CEP170: variants seen among roughly 807,000 people sequenced by gnomAD.
The protein encoded by CEP170 is centrosomal protein of 170 kDa.
Under a neutral mutation model 151.9 loss-of-function variants are expected in CEP170, and 21 were observed. The observed-to-expected ratio is 0.14, with a 90% CI of 0.10 to 0.20. CEP170 has a LOEUF of 0.20. Ranked by LOEUF, CEP170 falls within the 10% of genes least tolerant of loss-of-function variation. The probability of loss-of-function intolerance (pLI) is 1.00; values close to 1 mark genes in which losing one functional copy is unlikely to be tolerated. For synonymous variants in CEP170, 356 were observed against 648.8 expected, an observed-to-expected ratio of 0.55 and a Z score of 6.86; for missense variants, 964 against 1,892.9, an observed-to-expected ratio of 0.51 and a Z score of 9.11.
At chr1:243,195,371 A>G (rs1471689089) in intron 7 of CEP170, among the ~76,000 whole-genome samples, 2 of 152,200 alleles carry the variant, frequency 1.3e-5, no homozygotes, top group Middle Eastern at 3.4e-3. Context: ...ATTGAGGACA[A>G]ACTTTACGTC....
intron 3 of CEP170, among the ~76,000 whole-genome samples, chr1:243,219,435 T>C (rs1400195289): frequency 6.6e-6 from 1 of 152,218 alleles, no homozygotes; most frequent in Non-Finnish European, 1.5e-5. Flanking sequence ...GATTTCAAGC[T>C]TAAAATGCAG....
intron 1 of CEP170, among the ~76,000 whole-genome samples, chr1:243,237,722 G>A (rs866117540): frequency 6.6e-6 from 1 of 152,186 alleles, no homozygotes; most frequent in Middle Eastern, 3.4e-3. Flanking sequence ...GGCCAATATG[G>A]TGAAACCCCC....
intron 1 of CEP170, among the ~76,000 whole-genome samples, chr1:243,250,043 C>G (rs901587713): frequency 1.3e-5 from 2 of 152,186 alleles, no homozygotes; most frequent in Admixed American, 1.3e-4. Flanking sequence ...TGCACTCCAG[C>G]CTGGCGAGAG....
intron 1 of CEP170, among the ~76,000 whole-genome samples, chr1:243,241,882 G>A (rs541720439): frequency 8.4e-4 from 128 of 151,952 alleles, no homozygotes; most frequent in Middle Eastern, 3.4e-3. Context: ...GAGGGTAGGG[G>A]GAGTGGGCTA....
intron 4 of CEP170, among the ~76,000 whole-genome samples, chr1:243,209,527 T>A (rs1270633942): frequency 6.6e-6 from 1 of 152,202 alleles, no homozygotes; most frequent in Non-Finnish European, 1.5e-5. Context: ...CTCTCCAAAG[T>A]ATAGCAGTTT....
At chr1:243,170,119 G>A (rs547273671) in intron 11 of CEP170, among the ~76,000 whole-genome samples, 1 of 152,306 alleles carries the variant, frequency 6.6e-6, no homozygotes, top group Non-Finnish European at 1.5e-5. Context: ...CGGGTGTGGT[G>A]GTTGATGCCT....
intron 10 of CEP170, among the ~76,000 whole-genome samples, chr1:243,178,930 G>A (rs1334528051): frequency 6.6e-6 from 1 of 152,132 alleles, no homozygotes; most frequent in Non-Finnish European, 1.5e-5. Context: ...GTGTTAGCCA[G>A]GATGGTGTCA....
intron 3 of CEP170, 165 bp downstream of exon 3, chr1:243,221,559 A>G (rs935916599): frequency 4.9e-6 from 3 of 617,832 alleles, no homozygotes; most frequent in Admixed American, 7.0e-5. Flanking sequence ...GGCTAGTTTC[A>G]TATTCTATTG....
chr1:243,159,803 T>TGTGTGTGTG (rs1558452605), intron 13 of CEP170, among the ~76,000 whole-genome samples: 3 of 51,766 alleles, frequency 5.8e-5, no homozygotes, highest in African/African-American at 2.9e-4. Flanking sequence ...GTGTGTGTGT[T>TGTGTGTGTG]TTTGAGATGG....
At chr1:243,216,000 C>A (rs2062246544) in intron 3 of CEP170, among the ~76,000 whole-genome samples, 1 of 151,412 alleles carries the variant, frequency 6.6e-6, no homozygotes, top group South Asian at 2.1e-4. Context: ...GGGGTAGGTT[C>A]CCCTGATACT....
At chr1:243,234,661 T>C (rs1408921522) in intron 1 of CEP170, among the ~76,000 whole-genome samples, 1 of 152,166 alleles carries the variant, frequency 6.6e-6, no homozygotes, top group Non-Finnish European at 1.5e-5. Flanking sequence ...ATTTTACATT[T>C]TCACCCCTAA....
intron 10 of CEP170, among the ~76,000 whole-genome samples, chr1:243,180,425 A>G (rs1231936698): frequency 2.0e-5 from 3 of 152,232 alleles, no homozygotes; most frequent in African/African-American, 7.2e-5. Flanking sequence ...CAGAGAAACC[A>G]AAAGTAAGCT....
chr1:243,165,634 A>G lies in CEP170; in HGVS notation c.2326T>C (p.Cys776Arg), dbSNP rs1430049127. 1 of 1,613,994 alleles carries G rather than the reference A, an allele frequency of 6.2e-7. No homozygotes were observed. Among genetic ancestry groups the G allele is most frequent in the Admixed American group, 1.7e-5 (1 of 60,016 alleles). The change falls in exon 13 of 20, where the codon TGT becomes CGT. Residue 776 changes from cysteine (C) to arginine (R), a missense_variant. Coordinates refer to ENST00000366542, the MANE Select transcript of CEP170 (RefSeq NM_014812.3). ...TCTTGTTTAAAAGTTTCCTCCCTAC[A>G]TTTATCTGTCTGACCTGAAACATTT... ...SKNVSGQTDK[C>R]REETFKQESQ...
At chr1:243,192,826 A>C (rs1182878676) in intron 7 of CEP170, among the ~76,000 whole-genome samples, 1 of 152,210 alleles carries the variant, frequency 6.6e-6, no homozygotes, top group Non-Finnish European at 1.5e-5. Context: ...TCTCTCTTTC[A>C]TAATCAAATG....
At chr1:243,176,562 T>C (rs1386688836) in intron 10 of CEP170, 4 of 187,810 alleles carry the variant, frequency 2.1e-5, no homozygotes, top group Non-Finnish European at 3.4e-5. Flanking sequence ...TCCCTCCCTA[T>C]CCCACTCCAA....
chr1:243,216,351 C>A (rs181260733), intron 3 of CEP170, among the ~76,000 whole-genome samples: 21 of 151,214 alleles, frequency 1.4e-4, no homozygotes, highest in African/African-American at 5.1e-4. Context: ...ATCCCTGCCC[C>A]CCTCCCCCCG....
chr1:243,172,489 G>T (rs537494792), intron 11 of CEP170, among the ~76,000 whole-genome samples: 1 of 152,124 alleles, frequency 6.6e-6, no homozygotes. Flanking sequence ...GAAATTAGCC[G>T]GGCATGGCGG....
chr1:243,188,719 A>G (rs1356136167), intron 8 of CEP170, among the ~76,000 whole-genome samples: 1 of 152,220 alleles, frequency 6.6e-6, no homozygotes, highest in Non-Finnish European at 1.5e-5. Context: ...CTCTTGTAGG[A>G]GCAAAGTTTT....
chr1:243,160,530 AAG>A (rs1482332946), intron 13 of CEP170, among the ~76,000 whole-genome samples: 2 of 152,230 alleles, frequency 1.3e-5, no homozygotes, highest in African/African-American at 2.4e-5. Flanking sequence ...AAAGGAAAAA[AAG>A]AGTTGTTAGT....
Sources: allele counts gnomAD v4.1 joint callset (sites outside exome capture counted in the v4.1 genomes callset), GRCh38; gene constraint gnomAD v4.1.1; transcripts MANE v1.5; gene names NCBI Gene and HGNC (gene_info 2026-07-23, HGNC 2026-07-21).